The following PDE12 variants were observed in gnomAD, a reference collection of about 807,000 sequenced individuals.
PDE12 encodes the protein 2',5'-phosphodiesterase 12.
In PDE12, 26 loss-of-function variants were observed where a neutral mutation model predicts 45.4. The ratio of observed to expected loss-of-function variants is 0.57; its 90% CI spans 0.42 to 0.79. The LOEUF (loss-of-function observed/expected upper bound fraction) is 0.79. Ranked by LOEUF, PDE12 falls within the 30% of genes least tolerant of loss-of-function variation. PDE12 has a pLI of 0.00. For missense variants in PDE12, 668 were observed against 790.0 expected, an observed-to-expected ratio of 0.85 and a Z score of 1.85; for synonymous variants, 283 against 323.9, an observed-to-expected ratio of 0.87 and a Z score of 1.36.
chr3:57,571,012 T>A (rs2069836770), downstream of PDE12, among the ~76,000 whole-genome samples: 1 of 151,986 alleles, frequency 6.6e-6, no homozygotes, highest in African/African-American at 2.4e-5. Flanking sequence ...TTTAGTTTTT[T>A]AAGTAGAGAC....
the PDE12 span, chr3:57,597,188 G>A: frequency 7.7e-6 from 12 of 1,554,010 alleles, no homozygotes; most frequent in East Asian, 1.6e-4. Flanking sequence ...GGTTTGGGGC[G>A]ACCCCGTGCT....
the PDE12 span, among the ~76,000 whole-genome samples, chr3:57,592,571 A>G: frequency 1.3e-5 from 2 of 152,190 alleles, no homozygotes; most frequent in African/African-American, 4.8e-5. Context: ...ATGTGAACTT[A>G]GGTTCTGCTT....
At chr3:57,590,346 C>G in the PDE12 span, among the ~76,000 whole-genome samples, 1 of 151,216 alleles carries the variant, frequency 6.6e-6, no homozygotes, top group Non-Finnish European at 1.5e-5. Context: ...ATTAGCCGGG[C>G]GCAGTGGCGG....
the PDE12 span, chr3:57,600,213 C>T: frequency 6.6e-6 from 1 of 152,066 alleles, no homozygotes; most frequent in Admixed American, 6.6e-5. Flanking sequence ...TTTGTAGAGA[C>T]AGGGTTTTGC....
At chr3:57,583,591 C>T in the PDE12 span, among the ~76,000 whole-genome samples, 1 of 152,140 alleles carries the variant, frequency 6.6e-6, no homozygotes, top group South Asian at 2.1e-4. Flanking sequence ...TTTATACAGA[C>T]CTTACTTTCT....
At chr3:57,595,414 G>A in the PDE12 span, among the ~76,000 whole-genome samples, 1 of 152,098 alleles carries the variant, frequency 6.6e-6, no homozygotes, top group South Asian at 2.1e-4. Context: ...CCAACTTTCA[G>A]CCACTGAAAA....
chr3:57,642,334 A>AG, the PDE12 span, among the ~76,000 whole-genome samples: 15 of 148,280 alleles, frequency 1.0e-4, no homozygotes, highest in Admixed American at 9.6e-4. Flanking sequence ...AAAAAAAAAA[A>AG]GCATAATAAT....
At chr3:57,581,130 A>G in the PDE12 span, among the ~76,000 whole-genome samples, 1 of 152,260 alleles carries the variant, frequency 6.6e-6, no homozygotes, top group East Asian at 1.9e-4. Context: ...TGGAATTATA[A>G]GAGGAATTTA....
the PDE12 span, among the ~76,000 whole-genome samples, chr3:57,649,783 T>C: frequency 1.3e-4 from 19 of 151,846 alleles, no homozygotes; most frequent in African/African-American, 3.4e-4. Flanking sequence ...CACTCTCTGA[T>C]TCTCCTTGTT....
At chr3:57,635,197 T>C in the PDE12 span, among the ~76,000 whole-genome samples, 25 of 149,828 alleles carry the variant, frequency 1.7e-4, no homozygotes, top group Non-Finnish European at 2.8e-4. Flanking sequence ...CAAGGGTTTG[T>C]GGGGTTTTGT....
chr3:57,619,608 C>G, the PDE12 span: 1 of 152,220 alleles, frequency 6.6e-6, no homozygotes, highest in South Asian at 2.1e-4. Context: ...GTAATCCCAG[C>G]ACTTTGGAAG....
At chr3:57,640,259 ACT>A in the PDE12 span, among the ~76,000 whole-genome samples, 2 of 145,108 alleles carry the variant, frequency 1.4e-5, no homozygotes, top group South Asian at 2.2e-4. Context: ...ACAGAGTGAG[ACT>A]CTGTCTCAAA....
At chr3:57,629,484 A>AAC in the PDE12 span, among the ~76,000 whole-genome samples, 18 of 151,306 alleles carry the variant, frequency 1.2e-4, no homozygotes, top group Admixed American at 1.1e-3. Flanking sequence ...GGTAATACAG[A>AAC]ACATAAAAAA....
chr3:57,560,460 G>T lies in PDE12; in HGVS notation c.*456G>T. ...CCTGCCTCAGCTTCCCGAGTAGCTG[G>T]GATTACAGGCGTGCGCCAACATGTC... On this transcript the variant is annotated 3_prime_UTR_variant, in exon 3 of 3. Coordinates refer to ENST00000311180, the MANE Select transcript of PDE12 (RefSeq NM_177966.7). 1 of 433,860 alleles carries T rather than the reference G, an allele frequency of 2.3e-6. No homozygotes were observed. Among genetic ancestry groups the T allele is most frequent in the Non-Finnish European group, 3.1e-6 (1 of 324,570 alleles). 26.9% of individuals were successfully genotyped at this position (433,860 alleles called of 1,614,324 possible).
chr3:57,650,435 C>CACACACACACATACAT, the PDE12 span, among the ~76,000 whole-genome samples: 2 of 151,644 alleles, frequency 1.3e-5, no homozygotes, highest in South Asian at 4.2e-4. Context: ...CACACACACA[C>CACACACACACATACAT]ACACACACAC....
At chr3:57,584,935 C>G in the PDE12 span, among the ~76,000 whole-genome samples, 17 of 152,126 alleles carry the variant, frequency 1.1e-4, no homozygotes, top group Admixed American at 9.2e-4. Flanking sequence ...ATGATCTCAG[C>G]TCACTGTAAC....
the PDE12 span, chr3:57,597,328 G>C: frequency 3.7e-6 from 2 of 540,620 alleles, no homozygotes; most frequent in South Asian, 2.2e-5. Flanking sequence ...AGCCGGTAGA[G>C]GACCTGCTAG....
the PDE12 span, among the ~76,000 whole-genome samples, chr3:57,585,134 G>T: frequency 6.6e-6 from 1 of 152,072 alleles, no homozygotes; most frequent in Non-Finnish European, 1.5e-5. Context: ...AATGTGCTGG[G>T]ATTACAAGCG....
the PDE12 span, among the ~76,000 whole-genome samples, chr3:57,620,193 G>A: frequency 6.6e-6 from 1 of 152,186 alleles, no homozygotes; most frequent in Non-Finnish European, 1.5e-5. Context: ...CTGCACTCCA[G>A]CCTGGGTGAC....
Sources: gnomAD v4.1 joint callset for allele counts (sites outside exome capture counted in the v4.1 genomes callset) on GRCh38, gnomAD v4.1.1 for gene constraint, MANE v1.5 for transcripts, NCBI Gene and HGNC (gene_info 2026-07-23, HGNC 2026-07-21) for gene names.